Variants in PARD3B observed in about 807,000 individuals in gnomAD.
PARD3B encodes the protein partitioning defective 3 homolog B.
Under a neutral mutation model 130.2 loss-of-function variants are expected in PARD3B, and 103 were observed. The observed-to-expected ratio is 0.79, with a 90% CI of 0.67 to 0.93. PARD3B has a LOEUF of 0.93. Among genes scored for constraint, PARD3B ranks in the 40% least tolerant of loss-of-function variants. The probability of loss-of-function intolerance (pLI) is 0.00; values close to 1 mark genes in which losing one functional copy is unlikely to be tolerated. For synonymous variants in PARD3B, 583 were observed against 553.2 expected (o/e 1.05, Z -0.76); for missense variants, 1,609 against 1,499.2 (o/e 1.07, Z -1.21).
intron 2 of PARD3B, among the ~76,000 whole-genome samples, chr2:204,916,299 T>G (rs575377998): frequency 6.6e-6 from 1 of 152,218 alleles, no homozygotes; most frequent in Admixed American, 6.5e-5. Context: ...GTTAAAAATA[T>G]CTAATAGATA....
rs1167344865 is a variant in PARD3B, at chr2:205,122,569, A to G, written c.1165+620A>G. Reference sequence around the variant, plus strand: ...ATGCAGTATTCTACACACATACATAAGCATTCATGTGCTTCTGTGCTTTTG... The same window carrying G: ...ATGCAGTATTCTACACACATACATAGGCATTCATGTGCTTCTGTGCTTTTG... On this transcript the variant is annotated intron_variant, in intron 8 of 22. Transcript: ENST00000406610. This position sits in a 1 kb window ranked among gnomAD's most constrained non-coding sequence, Gnocchi z 4.3. Among the ~76,000 whole-genome samples, 1 of 152,214 alleles carries G rather than the reference A, an allele frequency of 6.6e-6. No individual in the cohort carries two copies. Among genetic ancestry groups the G allele is most frequent in the Non-Finnish European group, 1.5e-5 (1 of 68,040 alleles).
chr2:204,738,999 G>A (rs1324354889), intron 2 of PARD3B, among the ~76,000 whole-genome samples: 2 of 152,276 alleles, frequency 1.3e-5, no homozygotes, highest in Admixed American at 6.5e-5. Context: ...TTATGCAAGG[G>A]TGAGTATCAC....
At chr2:204,827,820 TC>T (rs1443837765) in intron 2 of PARD3B, among the ~76,000 whole-genome samples, 3 of 152,234 alleles carry the variant, frequency 2.0e-5, no homozygotes, top group Non-Finnish European at 4.4e-5. Flanking sequence ...CTATCTTCGT[TC>T]CCTGGAGTAA....
At chr2:205,559,577 A>T (rs2053048965) in intron 22 of PARD3B, among the ~76,000 whole-genome samples, 1 of 149,646 alleles carries the variant, frequency 6.7e-6, no homozygotes, top group South Asian at 2.1e-4. Context: ...CTTTTCTCTG[A>T]AATCAATAGA....
intron 2 of PARD3B, among the ~76,000 whole-genome samples, chr2:204,851,382 T>G (rs938851137): frequency 2.0e-5 from 3 of 152,176 alleles, no homozygotes; most frequent in African/African-American, 7.2e-5. Context: ...AGGCTTCTGA[T>G]TTAATAGAAT....
At position 204,940,663 on chromosome 2, in the gene PARD3B, AT is replaced by A. The variant is rs563559098; in HGVS notation, c.223-24488del. ...TGGGAACAGTTCACTAGCTGTAAAT[AT>A]AAAGAGGTGGGACAATTTGAAGGCT... On this transcript the variant is annotated intron_variant, in intron 2 of 22. Coordinates refer to ENST00000406610, the MANE Select transcript of PARD3B (RefSeq NM_001302769.2). 3.3e-5 allele frequency among the ~76,000 whole-genome samples: 5 copies of A among 152,300 alleles called. No individual in the cohort carries two copies. The South Asian group carries it at 1.0e-3, about 32-fold the overall frequency.
chr2:204,750,256 C>T (rs986977926), intron 2 of PARD3B, among the ~76,000 whole-genome samples: 1 of 152,194 alleles, frequency 6.6e-6, no homozygotes, highest in Admixed American at 6.5e-5. Flanking sequence ...AGGTCTGCTT[C>T]TGAAGAAATT....
Position 205,142,948 on chromosome 2 carries a change from G to A in PARD3B, c.1435-15774G>A, listed in dbSNP as rs921658718. Among the ~76,000 whole-genome samples the A allele has an allele frequency of 1.3e-5, 2 of 152,016 alleles. No homozygotes were observed. Among genetic ancestry groups the A allele is most frequent in the African/African-American group, 2.4e-5 (1 of 41,412 alleles). ...TGGCAAATAATTGTAAGAAAGTGAT[G>A]CGAATCATCAGAATGGGAAAACATA... On this transcript the variant is annotated intron_variant, in intron 10 of 22. Transcript: ENST00000406610. This position sits in a 1 kb window ranked among gnomAD's most constrained non-coding sequence, Gnocchi z 4.3.
At chr2:205,450,839 C>T (rs1042815580) in intron 20 of PARD3B, among the ~76,000 whole-genome samples, 1 of 152,162 alleles carries the variant, frequency 6.6e-6, no homozygotes, top group Non-Finnish European at 1.5e-5. Flanking sequence ...ATTCATTACA[C>T]ACTGAGCTAC....
chr2:204,854,427 G>A (rs1180433917), intron 2 of PARD3B, among the ~76,000 whole-genome samples: 1 of 152,168 alleles, frequency 6.6e-6, no homozygotes, highest in Non-Finnish European at 1.5e-5. Context: ...TGGAATAAGA[G>A]GGGGTAAGAG....
chr2:205,080,067 C>T (rs2125508833), intron 4 of PARD3B, among the ~76,000 whole-genome samples: 1 of 152,206 alleles, frequency 6.6e-6, no homozygotes, highest in East Asian at 1.9e-4. Flanking sequence ...ATGCTCAAAA[C>T]TCAAATCATA....
chr2:205,547,419 G>T (rs1428786858), intron 21 of PARD3B, among the ~76,000 whole-genome samples: 3 of 152,074 alleles, frequency 2.0e-5, no homozygotes, highest in Non-Finnish European at 4.4e-5. Context: ...ATCCACTGTA[G>T]CTTAAGAAAG....
intron 2 of PARD3B, among the ~76,000 whole-genome samples, chr2:204,958,712 G>A (rs1380410063): frequency 6.6e-6 from 1 of 152,082 alleles, no homozygotes; most frequent in African/African-American, 2.4e-5. Flanking sequence ...CTCAGCATTT[G>A]GGCATGTTAG....
chr2:204,561,455 T>C (rs1457436154), intron 1 of PARD3B, among the ~76,000 whole-genome samples: 1 of 152,162 alleles, frequency 6.6e-6, no homozygotes, highest in African/African-American at 2.4e-5. Context: ...CTCTGGCTTC[T>C]AGTTAGGGTC....
At chr2:204,789,749 T>C (rs1452312089) in intron 2 of PARD3B, among the ~76,000 whole-genome samples, 1 of 152,232 alleles carries the variant, frequency 6.6e-6, no homozygotes, top group Non-Finnish European at 1.5e-5. Context: ...ATATTAGTTT[T>C]AGTGCTCCAT....
intron 1 of PARD3B, among the ~76,000 whole-genome samples, chr2:204,551,433 C>A (rs1189159458): frequency 6.6e-6 from 1 of 152,148 alleles, no homozygotes; most frequent in African/African-American, 2.4e-5. Flanking sequence ...TGTCATCATG[C>A]TTGACTGTTT....
intron 16 of PARD3B, among the ~76,000 whole-genome samples, chr2:205,294,399 C>T (rs2041715184): frequency 6.6e-6 from 1 of 152,062 alleles, no homozygotes; most frequent in Non-Finnish European, 1.5e-5. Context: ...CTATTTGTTA[C>T]ATTTTGGGGA....
intron 1 of PARD3B, among the ~76,000 whole-genome samples, chr2:204,680,819 C>A (rs2036790288): frequency 6.6e-6 from 1 of 151,954 alleles, no homozygotes; most frequent in Non-Finnish European, 1.5e-5. Flanking sequence ...GTGGTTGATT[C>A]TACTGTGATA....
In PARD3B at chr2:205,587,764, C is replaced by A. The variant is rs545923171; in HGVS notation, c.3261-27692C>A. ...TGAGAAAATAAATAGAATTGCTAGT[C>A]TTCATCACACGGAAAAGAGCTAGTG... On this transcript the variant is annotated intron_variant, in intron 22 of 22. Transcript: ENST00000406610. Among the ~76,000 whole-genome samples the A allele has an allele frequency of 2.9e-4, 44 of 152,218 alleles. 1 individual carries two copies. The highest frequency in any genetic ancestry group is 5.1e-4 in the Non-Finnish European group (35 of 68,034).
Sources: gnomAD v4.1 joint callset for allele counts (sites outside exome capture counted in the v4.1 genomes callset) on GRCh38, gnomAD v4.1.1 for gene constraint, Gnocchi (gnomAD v3.1) non-coding constraint, MANE v1.5 for transcripts, NCBI Gene and HGNC (gene_info 2026-07-23, HGNC 2026-07-21) for gene names.